Variants in GPD2 observed in about 807,000 individuals in gnomAD.
GPD2 encodes the protein glycerol-3-phosphate dehydrogenase 2.
In GPD2, 54 loss-of-function variants were observed where a neutral mutation model predicts 82.4. The observed-to-expected ratio is 0.66, with a 90% CI of 0.53 to 0.82. GPD2 has a LOEUF of 0.82. Ranked by LOEUF, GPD2 falls within the 40% of genes least tolerant of loss-of-function variation. The pLI is 0.00. For missense variants in GPD2, 748 were observed against 896.2 expected, an observed-to-expected ratio of 0.83 and a Z score of 2.11; for synonymous variants, 288 against 306.1, an observed-to-expected ratio of 0.94 and a Z score of 0.62.
chr2:156,492,192 C>T (rs1684206033), intron 2 of GPD2, among the ~76,000 whole-genome samples: 1 of 114,328 alleles, frequency 8.7e-6, no homozygotes, highest in South Asian at 3.3e-4. Context: ...TATCCTCTGT[C>T]ACCTAGGCTG....
Position 156,586,295 on chromosome 2 carries a change from A to C in GPD2, c.*3377A>C, listed in dbSNP as rs748847961. The stretch of plus-strand genomic sequence containing the variant: ...TATCTACAGAGATAGATGTAATTTT[A>C]TAAGACTGCCAGAATTATTTGTATT... On this transcript the variant is annotated 3_prime_UTR_variant, in exon 17 of 17. Coordinates refer to ENST00000438166, the MANE Select transcript of GPD2 (RefSeq NM_000408.5). 1 of 152,328 alleles carries C rather than the reference A, an allele frequency of 6.6e-6. No homozygotes were observed. Among genetic ancestry groups the C allele is most frequent in the Non-Finnish European group, 1.5e-5 (1 of 67,964 alleles). The allele number at this position is 152,328 out of a possible 1,614,324, so 9.4% of individuals were successfully genotyped here. A position where few individuals can be genotyped will look rare whatever the true frequency, so the allele number is the denominator to read the frequency against.
chr2:156,510,723 G>A (rs1684963571), intron 3 of GPD2, 73 bp from the exon 4 acceptor site: 3 of 1,241,526 alleles, frequency 2.4e-6, no homozygotes, highest in Non-Finnish European at 1.2e-6. Context: ...TCTCTACCCT[G>A]GAGAAGTGCC....
At chr2:156,524,957 T>G (rs960542033) in intron 6 of GPD2, among the ~76,000 whole-genome samples, 4 of 152,204 alleles carry the variant, frequency 2.6e-5, no homozygotes, top group Non-Finnish European at 5.9e-5. Context: ...GGTTATAAAA[T>G]GTTACTTTTA....
chr2:156,539,581 G>C lies in GPD2; in HGVS notation c.662-10027G>C, dbSNP rs181963412. ...AAGACTTACCATGAAACAGATAAAG[G>C]CTCTCTCAAAAGGCTGCCTCCAGTT... On this transcript the variant is annotated intron_variant, in intron 6 of 16. Transcript: ENST00000438166. Among the ~76,000 whole-genome samples, 14 of 152,230 alleles carry C rather than the reference G, an allele frequency of 9.2e-5. No homozygotes were observed. The East Asian group carries it at 2.3e-3, about 25-fold the overall frequency.
intron 1 of GPD2, among the ~76,000 whole-genome samples, chr2:156,472,463 G>A (rs1022990018): frequency 2.0e-5 from 3 of 152,118 alleles, no homozygotes; most frequent in African/African-American, 7.2e-5. Context: ...TGGGATTACA[G>A]GCGCATGCCA....
intron 6 of GPD2, among the ~76,000 whole-genome samples, chr2:156,525,818 A>G (rs183588194): frequency 2.1e-3 from 325 of 152,340 alleles, no homozygotes; most frequent in Middle Eastern, 3.4e-3. Context: ...TCTGTTTTAT[A>G]AATTATGTAA....
chr2:156,416,173 CATATAT>C, the GPD2 span, among the ~76,000 whole-genome samples: 1 of 149,860 alleles, frequency 6.7e-6, no homozygotes, highest in African/African-American at 2.5e-5. Flanking sequence ...GTTGTATATA[CATATAT>C]ATATATATGT....
chr2:156,433,938 A>G (rs1388682945), upstream of GPD2, among the ~76,000 whole-genome samples: 1 of 152,124 alleles, frequency 6.6e-6, no homozygotes, highest in Non-Finnish European at 1.5e-5. Flanking sequence ...CTGGCACCCA[A>G]CTCAACCAGA....
chr2:156,479,596 A>G (rs569183752), intron 2 of GPD2, among the ~76,000 whole-genome samples: 1 of 152,260 alleles, frequency 6.6e-6, no homozygotes, highest in South Asian at 2.1e-4. Context: ...GGAGAGGGCA[A>G]TTATTATTAT....
the GPD2 span, among the ~76,000 whole-genome samples, chr2:156,424,901 A>G: frequency 6.6e-6 from 1 of 152,210 alleles, no homozygotes; most frequent in Non-Finnish European, 1.5e-5. Context: ...TAAATTAGAA[A>G]GAAAAATATC....
chr2:156,523,475 C>G (rs1280717943), intron 6 of GPD2, among the ~76,000 whole-genome samples: 1 of 152,092 alleles, frequency 6.6e-6, no homozygotes, highest in Non-Finnish European at 1.5e-5. Flanking sequence ...ATAAAATTAA[C>G]TTTCAATTTT....
intron 1 of GPD2, among the ~76,000 whole-genome samples, chr2:156,458,797 G>A (rs1456200295): frequency 6.6e-6 from 1 of 151,814 alleles, no homozygotes; most frequent in East Asian, 1.9e-4. Flanking sequence ...TTATATGCAT[G>A]CACACGTATA....
chr2:156,572,191 T>A (rs114735554), intron 13 of GPD2, among the ~76,000 whole-genome samples: 1 of 152,144 alleles, frequency 6.6e-6, no homozygotes, highest in East Asian at 1.9e-4. Flanking sequence ...CTTTTCCATG[T>A]CATAAATAGC....
Position 156,572,247 on chromosome 2 carries a change from C to T in GPD2, c.1767+955C>T, listed in dbSNP as rs1292783223. On this transcript the variant is annotated intron_variant, in intron 13 of 16. Coordinates refer to ENST00000438166, the MANE Select transcript of GPD2 (RefSeq NM_000408.5). ...CTAAACATTAGTATCATACTTTATG[C>T]ATTCTCTTATACCCTATCTAAATCC... 4.6e-5 allele frequency among the ~76,000 whole-genome samples: 7 copies of T among 152,278 alleles called. No individual in the cohort carries two copies. The Middle Eastern group carries it at 0.01, about 222-fold the overall frequency.
At chr2:156,528,651 A>G (rs1276577652) in intron 6 of GPD2, among the ~76,000 whole-genome samples, 2 of 129,264 alleles carry the variant, frequency 1.5e-5, no homozygotes, top group Non-Finnish European at 3.1e-5. Flanking sequence ...ATGTGTTCTC[A>G]TTGTTCAATT....
the GPD2 span, among the ~76,000 whole-genome samples, chr2:156,402,049 G>A: frequency 6.6e-6 from 1 of 152,170 alleles, no homozygotes; most frequent in Non-Finnish European, 1.5e-5. Flanking sequence ...TAGTAACTGT[G>A]TACCAGGCTA....
Position 156,571,134 on chromosome 2 carries a change from G to A in GPD2, c.1609G>A (p.Val537Met). ...VSEFPYIEAEVKYGIKEYACT... is the reference protein window; with the variant it reads ...VSEFPYIEAEMKYGIKEYACT... ...TAATTTTTCTTTAATTCAAACTCAG[G>A]TGAAATATGGGATTAAGGAGTATGC... Residue 537 changes from valine to methionine, a missense_variant and splice_region_variant, in exon 13 of 17, where the codon GTG (valine) becomes ATG (methionine). This residue lies in a region of GPD2 where 692 missense variants were observed against 809.7 expected (regional missense o/e 0.85). Transcript: ENST00000438166. The A allele has an allele frequency of 1.3e-6, 2 of 1,593,934 alleles. No homozygotes were observed. The highest frequency in any genetic ancestry group is 1.3e-5 in the African/African-American group (1 of 74,536).
At chr2:156,442,139 G>C (rs1682196887) in intron 1 of GPD2, among the ~76,000 whole-genome samples, 2 of 151,934 alleles carry the variant, frequency 1.3e-5, no homozygotes, top group East Asian at 1.9e-4. Flanking sequence ...TCTATAAAAG[G>C]GTTTAATATA....
intron 10 of GPD2, 106 bp downstream of exon 10, chr2:156,569,065 G>A: frequency 1.1e-6 from 1 of 935,934 alleles, no homozygotes; most frequent in Non-Finnish European, 1.7e-6. Context: ...CTGGACTAAG[G>A]TGATTCTCCC....
Sources: gnomAD v4.1 joint callset for allele counts (sites outside exome capture counted in the v4.1 genomes callset) on GRCh38, gnomAD v4.1.1 for gene constraint, gnomAD v4.1.1 regional missense constraint, MANE v1.5 for transcripts, NCBI Gene and HGNC (gene_info 2026-07-23, HGNC 2026-07-21) for gene names.